The following PLB1 variants were observed in gnomAD, a reference collection of about 807,000 sequenced individuals.
The protein encoded by PLB1 is phospholipase B1.
In PLB1, 242 loss-of-function variants were observed where a neutral mutation model predicts 227.4. The observed-to-expected ratio is 1.06, with a 90% CI of 0.96 to 1.18. The LOEUF is 1.18. Ranked by LOEUF, PLB1 falls within the 50% of genes most tolerant of loss-of-function variation. PLB1 has a pLI of 0.00. For synonymous variants in PLB1, 757 were observed against 682.2 expected (o/e 1.11, Z -1.71); for missense variants, 1,858 against 1,816.3 (o/e 1.02, Z -0.42).
rs746244785 is a variant in PLB1 at position 28,598,635 on chromosome 2, T to C, written c.2366-17T>C. On this transcript the variant is annotated splice_polypyrimidine_tract_variant and intron_variant, in intron 34 of 57. Transcript: ENST00000327757. ...TCTGTTCTGAGCCGTCTGCATCCCA[T>C]TCACCTTCTCTTCCAGATATCCTTC... 3 of 1,600,346 alleles carry C rather than the reference T, an allele frequency of 1.9e-6. No homozygotes were observed. The South Asian group carries it at 3.3e-5, about 18-fold the overall frequency.
In PLB1 at chr2:28,504,690, C is replaced by T. The variant is rs1346599175; in HGVS notation, c.55+8521C>T. ...CTGGGAGGTGGAGGTTGCAGTGAGC[C>T]GAGATTGGGCCACTACATTCCAGCC... On this transcript the variant is annotated intron_variant, in intron 1 of 57. Coordinates refer to ENST00000327757, the MANE Select transcript of PLB1 (RefSeq NM_153021.5). Among the ~76,000 whole-genome samples the T allele has an allele frequency of 5.3e-5, 8 of 151,920 alleles. No homozygotes were observed. The East Asian group carries it at 7.7e-4, about 15-fold the overall frequency.
chr2:28,592,357 G>A (rs1392675775), intron 31 of PLB1, among the ~76,000 whole-genome samples: 4 of 151,488 alleles, frequency 2.6e-5, no homozygotes, highest in Admixed American at 2.0e-4. Context: ...ACTCTGCCCT[G>A]CCCTCCCTCC....
intron 17 of PLB1, among the ~76,000 whole-genome samples, chr2:28,560,356 G>C (rs1675861235): frequency 3.3e-5 from 5 of 152,124 alleles, no homozygotes; most frequent in Admixed American, 3.3e-4. Context: ...GCTATATATG[G>C]CTTAAGAAAT....
intron 50 of PLB1, 39 bp downstream of exon 50, chr2:28,625,147 A>G (rs772668450): frequency 8.2e-6 from 13 of 1,583,422 alleles, no homozygotes; most frequent in Non-Finnish European, 1.0e-5. Context: ...AAAGGTGCCC[A>G]TCTCCTGCTG....
intron 1 of PLB1, among the ~76,000 whole-genome samples, chr2:28,498,682 A>G (rs749520019): frequency 3.3e-5 from 5 of 152,210 alleles, no homozygotes; most frequent in Non-Finnish European, 5.9e-5. Context: ...GCATGTTTCT[A>G]TCTGTGTCAG....
chr2:28,566,647 C>T, intron 19 of PLB1, 149 bp from the exon 20 acceptor site: 1 of 793,030 alleles, frequency 1.3e-6, no homozygotes, highest in Non-Finnish European at 2.1e-6. Flanking sequence ...TTTGCTTTTT[C>T]CGTTTTTCTA....
At chr2:28,586,257 T>G (rs950090771) in intron 26 of PLB1, among the ~76,000 whole-genome samples, 1 of 152,084 alleles carries the variant, frequency 6.6e-6, no homozygotes, top group Admixed American at 6.5e-5. Context: ...AGGCTGAAAG[T>G]CCTCCCTCCC....
chr2:28,581,060 T>G (rs965908568), intron 23 of PLB1, among the ~76,000 whole-genome samples: 8 of 152,176 alleles, frequency 5.3e-5, no homozygotes, highest in East Asian at 1.9e-4. Flanking sequence ...GCCCCTCCCC[T>G]GCTCATGTTA....
chr2:28,621,031 G>T (rs897699262), intron 49 of PLB1, 53 bp downstream of exon 49: 1 of 1,482,340 alleles, frequency 6.7e-7, no homozygotes, highest in Non-Finnish European at 9.3e-7. Flanking sequence ...GAGACATCAG[G>T]GTGGGAAACC....
Position 28,632,988 on chromosome 2 carries a change from C to T in PLB1, c.4047C>T (p.His1349=), listed in dbSNP as rs199696400. Residue 1349 remains histidine (H), a synonymous_variant, in exon 56 of 58, where the codon CAC becomes CAT. Transcript: ENST00000327757. ...CCTTCTTCTCCGAGGACTGTTTTCA[C>T]TTCTCAGACCGCGGGCATGCCGAGA... ...DLTFFSEDCF[H]FSDRGHAEMA... The T allele has an allele frequency of 1.9e-6, 3 of 1,614,114 alleles. No individual in the cohort carries two copies. The highest frequency in any genetic ancestry group is 2.2e-5 in the East Asian group (1 of 44,860).
intron 17 of PLB1, among the ~76,000 whole-genome samples, chr2:28,561,448 G>A (rs967390791): frequency 7.9e-5 from 12 of 152,144 alleles, no homozygotes; most frequent in African/African-American, 1.9e-4. Flanking sequence ...TTGAAAACAG[G>A]CATTCAAACA....
chr2:28,642,000 C>T (rs562404096), intron 57 of PLB1, among the ~76,000 whole-genome samples: 1 of 152,260 alleles, frequency 6.6e-6, no homozygotes, highest in South Asian at 2.1e-4. Context: ...CGACTGCCCG[C>T]ATCCAGGCCT....
chr2:28,612,272 G>A (rs911136812), intron 43 of PLB1, among the ~76,000 whole-genome samples: 1 of 152,214 alleles, frequency 6.6e-6, no homozygotes, highest in Non-Finnish European at 1.5e-5. Flanking sequence ...TGAGAGCTCT[G>A]TGTGGGTGGA....
intron 43 of PLB1, among the ~76,000 whole-genome samples, chr2:28,610,904 G>A (rs1397728504): frequency 6.6e-6 from 1 of 152,026 alleles, no homozygotes; most frequent in Non-Finnish European, 1.5e-5. Context: ...TCTACTCACG[G>A]GGGCTCCAAA....
At chr2:28,499,288 T>A (rs998824161) in intron 1 of PLB1, among the ~76,000 whole-genome samples, 1 of 152,136 alleles carries the variant, frequency 6.6e-6, no homozygotes. Context: ...GAAGAGCTAA[T>A]GCACATAGCG....
chr2:28,518,780 G>C (rs1435243084), intron 3 of PLB1, among the ~76,000 whole-genome samples: 1 of 152,178 alleles, frequency 6.6e-6, no homozygotes, highest in Non-Finnish European at 1.5e-5. Flanking sequence ...GGAACTGTGA[G>C]TTAGAGCTTG....
At chr2:28,596,156 A>C (rs1198877520) in intron 33 of PLB1, 1 of 152,212 alleles carries the variant, frequency 6.6e-6, no homozygotes, top group African/African-American at 2.4e-5. Context: ...TTTTCTGTAC[A>C]CTTTAGGTGA....
chr2:28,498,787 A>G (rs1240398517), intron 1 of PLB1, among the ~76,000 whole-genome samples: 2 of 152,224 alleles, frequency 1.3e-5, no homozygotes, highest in Non-Finnish European at 2.9e-5. Flanking sequence ...TTTTTGAGAA[A>G]AGAAGTCTTC....
chr2:28,516,838 A>G lies in PLB1; in HGVS notation c.86A>G (p.Lys29Arg). Residue 29 changes from lysine to arginine, a missense_variant, in exon 2 of 58, where the codon AAG becomes AGG. Coordinates refer to ENST00000327757, the MANE Select transcript of PLB1 (RefSeq NM_153021.5). Reference protein sequence around the residue: ...GTPQIHTSPRKSTLEGQLWPE... With the variant: ...GTPQIHTSPRRSTLEGQLWPE... ...CCTCAGATCCATACCTCTCCTAGAA[A>G]GAGTACATTGGAAGGGCAGCTATGG... 6.2e-7 allele frequency: 1 copy of G among 1,613,994 alleles called. No individual in the cohort carries two copies. Among genetic ancestry groups the G allele is most frequent in the South Asian group, 1.1e-5 (1 of 91,076 alleles).
Sources: allele counts gnomAD v4.1 joint callset (sites outside exome capture counted in the v4.1 genomes callset), GRCh38; gene constraint gnomAD v4.1.1; transcripts MANE v1.5; gene names NCBI Gene and HGNC (gene_info 2026-07-23, HGNC 2026-07-21).